Variants in RIMS2 observed in about 807,000 individuals in gnomAD.
RIMS2 encodes regulating synaptic membrane exocytosis protein 2.
Under a neutral mutation model 174.4 loss-of-function variants are expected in RIMS2, and 59 were observed. The ratio of observed to expected loss-of-function variants is 0.34; its 90% CI spans 0.27 to 0.42. RIMS2 has a LOEUF of 0.42. RIMS2 is among the 10% of genes least tolerant of loss of function. RIMS2 has a pLI of 1.00. For missense variants in RIMS2, 1,620 were observed against 1,666.3 expected (o/e 0.97, Z 0.48); for synonymous variants, 606 against 572.5 (o/e 1.06, Z -0.84).
At chr8:104,248,910 T>TCTCTCTCTCTCTCTCA in intron 21 of RIMS2, 97 bp downstream of exon 27, 2 of 636,974 alleles carry the variant, frequency 3.1e-6, no homozygotes, top group African/African-American at 2.1e-5. Context: ...TCTCTCTCTC[T>TCTCTCTCTCTCTCTCA]CTTTCCCTCT....
In RIMS2 at chr8:103,627,787, A is replaced by G. The variant is rs373169886; in HGVS notation, c.177-69299A>G. On this transcript the variant is annotated intron_variant, in intron 1 of 23. Coordinates refer to ENST00000504942, the Ensembl canonical transcript of RIMS2. ...TATAACATAATGATTGTCAACCCAA[A>G]GTAGTAATCAGTTAAGATCATTTTA... is the stretch of plus-strand genomic sequence containing the variant. Among the ~76,000 whole-genome samples the G allele has an allele frequency of 1.0e-3, 153 of 152,340 alleles. No homozygotes were observed. In the South Asian group the frequency reaches 0.014, roughly 14 times the overall value.
At chr8:103,994,214 T>TATA (rs1290625172) in intron 17 of RIMS2, among the ~76,000 whole-genome samples, 1 of 152,114 alleles carries the variant, frequency 6.6e-6, no homozygotes, top group Non-Finnish European at 1.5e-5. Context: ...GCTAATTTCA[T>TATA]ATAGTGGAAG....
At position 104,227,656 on chromosome 8, in the gene RIMS2, A is replaced by T. The variant is rs551857850; in HGVS notation, c.3335-17260A>T. Among the ~76,000 whole-genome samples the T allele has an allele frequency of 1.1e-3, 174 of 152,296 alleles. 1 individual carries two copies. Among genetic ancestry groups the T allele is most frequent in the African/African-American group, 3.9e-3 (162 of 41,566 alleles). On this transcript the variant is annotated intron_variant, in intron 19 of 23. Transcript: ENST00000504942. Reference sequence around the variant, plus strand: ...TTATCAGAAGCTATCTTAATGTTACATGTGGCTCTGGGTTAGTGATTCTTG... The same window carrying T: ...TTATCAGAAGCTATCTTAATGTTACTTGTGGCTCTGGGTTAGTGATTCTTG...
At chr8:104,164,115 G>A (rs1354455321) in intron 19 of RIMS2, among the ~76,000 whole-genome samples, 1 of 152,070 alleles carries the variant, frequency 6.6e-6, no homozygotes, top group African/African-American at 2.4e-5. Context: ...ATTGACATTT[G>A]AAGTATCTCA....
intron 1 of RIMS2, among the ~76,000 whole-genome samples, chr8:103,602,106 C>G (rs548806509): frequency 6.6e-6 from 1 of 152,168 alleles, no homozygotes; most frequent in Non-Finnish European, 1.5e-5. Context: ...CTGCCTCAGC[C>G]TCCTGAGTAG....
At chr8:103,587,196 G>A (rs1160034013) in intron 1 of RIMS2, among the ~76,000 whole-genome samples, 1 of 151,846 alleles carries the variant, frequency 6.6e-6, no homozygotes, top group Non-Finnish European at 1.5e-5. Context: ...ACAAGTATGA[G>A]ATCAAAGACA....
chr8:103,500,652 C>A (rs544603460), upstream of RIMS2: 6 of 489,468 alleles, frequency 1.2e-5, no homozygotes, highest in Non-Finnish European at 2.2e-5. Flanking sequence ...AGCCCTTCGC[C>A]CCCGGGAAGA....
intron 10 of RIMS2, chr8:103,927,728 A>T: frequency 1.4e-6 from 1 of 700,990 alleles, no homozygotes; most frequent in Non-Finnish European, 2.5e-6. Context: ...TCATGGAAAA[A>T]TTGTATTTAA....
At chr8:103,560,550 T>C (rs1020617538) in intron 1 of RIMS2, among the ~76,000 whole-genome samples, 2 of 152,136 alleles carry the variant, frequency 1.3e-5, no homozygotes, top group African/African-American at 4.8e-5. Flanking sequence ...AATACACAGA[T>C]CAAACATTTA....
intron 3 of RIMS2, among the ~76,000 whole-genome samples, chr8:103,811,908 CAATTATGGTGTGGCTTCA>C (rs1343063964): frequency 6.6e-6 from 1 of 152,218 alleles, no homozygotes; most frequent in African/African-American, 2.4e-5. Flanking sequence ...AGAGAGATCA[CAATTATGGTGTGGCTTCA>C]CACATTTGTG....
At chr8:103,899,260 T>G (rs1042295207) in intron 4 of RIMS2, among the ~76,000 whole-genome samples, 1 of 151,762 alleles carries the variant, frequency 6.6e-6, no homozygotes, top group Non-Finnish European at 1.5e-5. Context: ...CTGGGTCAAA[T>G]GGTATTTCTA....
intron 1 of RIMS2, among the ~76,000 whole-genome samples, chr8:103,509,176 G>A (rs140710421): frequency 1.3e-5 from 2 of 152,182 alleles, no homozygotes; most frequent in East Asian, 3.9e-4. Flanking sequence ...AAAGAACAAA[G>A]GGGAGAAAGT....
chr8:103,673,779 G>C (rs1412146678), intron 1 of RIMS2, among the ~76,000 whole-genome samples: 2 of 152,208 alleles, frequency 1.3e-5, no homozygotes, highest in Non-Finnish European at 2.9e-5. Flanking sequence ...AATATCTCTA[G>C]TAAGTTGTTG....
chr8:103,675,196 G>A (rs148011837), intron 1 of RIMS2, among the ~76,000 whole-genome samples: 534 of 152,216 alleles, frequency 3.5e-3, no homozygotes, highest in Non-Finnish European at 5.7e-3. Flanking sequence ...ACAGACATGA[G>A]CCACCAGAAC....
intron 3 of RIMS2, among the ~76,000 whole-genome samples, chr8:103,817,675 G>A (rs2098726492): frequency 6.6e-6 from 1 of 152,130 alleles, no homozygotes; most frequent in South Asian, 2.1e-4. Flanking sequence ...AGCTACTCAG[G>A]AGGCTGAGGC....
chr8:104,105,049 C>T (rs1489185862), intron 19 of RIMS2, among the ~76,000 whole-genome samples: 4 of 151,832 alleles, frequency 2.6e-5, no homozygotes, highest in Admixed American at 1.3e-4. Context: ...GATAATTGGG[C>T]GGTTGGTTAG....
At chr8:103,756,236 T>C (rs1029313546) in intron 2 of RIMS2, among the ~76,000 whole-genome samples, 7 of 152,156 alleles carry the variant, frequency 4.6e-5, no homozygotes, top group Admixed American at 4.6e-4. Context: ...CAGACCCTGT[T>C]TGCCTGGGTA....
At chr8:103,825,356 T>A (rs974674881) in intron 3 of RIMS2, among the ~76,000 whole-genome samples, 1 of 152,084 alleles carries the variant, frequency 6.6e-6, no homozygotes, top group African/African-American at 2.4e-5. Context: ...TGATCTCGGC[T>A]CATTACAACC....
At position 103,915,558 on chromosome 8, in the gene RIMS2, G is replaced by A. The variant is rs779028464; in HGVS notation, c.1876G>A (p.Gly626Arg). ...TGCATTTATTACTAAAGTAAAAAAAGGAAGTTTAGCTGATACTGTAGGACA... is the reference window on the plus strand; with the variant it reads ...TGCATTTATTACTAAAGTAAAAAAAAGAAGTTTAGCTGATACTGTAGGACA... Residue 626 changes from glycine (G) to arginine (R), a missense_variant, in exon 7 of 24, where the codon GGA becomes AGA. By Grantham distance (125) the Gly-to-Arg change is moderately radical (BLOSUM62 -2). Coordinates refer to ENST00000504942, the Ensembl canonical transcript of RIMS2. The A allele has an allele frequency of 3.1e-6, 5 of 1,605,444 alleles. No homozygotes were observed. The Admixed American group carries it at 8.4e-5, about 27-fold the overall frequency.
Sources: allele counts gnomAD v4.1 joint callset (sites outside exome capture counted in the v4.1 genomes callset), GRCh38; gene constraint gnomAD v4.1.1; transcripts MANE v1.5; gene names NCBI Gene and HGNC (gene_info 2026-07-23, HGNC 2026-07-21).